CDKN1C: variants seen among roughly 807,000 people sequenced by gnomAD.
CDKN1C encodes the protein cyclin dependent kinase inhibitor 1C.
Under a neutral mutation model 16.5 loss-of-function variants are expected in CDKN1C, and 7 were observed. The observed-to-expected ratio is 0.42, with a 90% CI of 0.24 to 0.80. The LOEUF is 0.80. CDKN1C is among the 30% of genes least tolerant of loss of function. The pLI is 0.26. For synonymous variants in CDKN1C, 288 were observed against 214.4 expected (o/e 1.34, Z -3.00); for missense variants, 429 against 437.3 (o/e 0.98, Z 0.17).
At position 2,884,988 on chromosome 11, in the gene CDKN1C, G is replaced by C. The variant is rs1848948122; in HGVS notation, c.469C>G (p.Pro157Ala). Residue 157 changes from proline (P) to alanine (A), a missense_variant, in exon 2 of 4, where the codon CCG (proline) becomes GCG (alanine). Physicochemically the swap from Pro to Ala is conservative, Grantham distance 27 (BLOSUM62 -1). Coordinates refer to ENST00000440480, the MANE Select transcript of CDKN1C (RefSeq NM_001122630.2). ...GCGACCGCGACCGGAGCCGCGACCG[G>C]AGCCGCGACCGGAGCCGGAGCCGGG... ...PAPAPAPVAA[P>A]VAAPVAVAVL... is the part of the protein sequence containing the mutation. 6 of 1,106,378 alleles carry C rather than the reference G, an allele frequency of 5.4e-6. No homozygotes were observed. Among genetic ancestry groups the C allele is most frequent in the Non-Finnish European group, 6.8e-6 (6 of 880,188 alleles). The allele number at this position is 1,106,378 out of a possible 1,614,324, so 68.5% of individuals were successfully genotyped here.
chr11:2,884,150 C>T lies in CDKN1C; in HGVS notation c.788-16G>A. The T allele has an allele frequency of 6.8e-7, 1 of 1,466,844 alleles. No homozygotes were observed. The highest frequency in any genetic ancestry group is 9.1e-7 in the Non-Finnish European group (1 of 1,104,658). 90.9% of individuals were successfully genotyped at this position (1,466,844 alleles called of 1,614,324 possible). On this transcript the variant is annotated splice_polypyrimidine_tract_variant and intron_variant, in intron 2 of 3. Coordinates refer to ENST00000440480, the MANE Select transcript of CDKN1C (RefSeq NM_001122630.2). The stretch of plus-strand genomic sequence containing the variant: ...GCGAAGAAATCTGCGGGCGACAGCG[C>T]GCGCGGCCGGTCAGGGCGGGGCCGG...
intron 1 of CDKN1C, 42 bp downstream of exon 1, chr11:2,885,592 C>G: frequency 7.2e-7 from 1 of 1,396,576 alleles, no homozygotes; most frequent in East Asian, 2.5e-5. Flanking sequence ...AGGGAGACCC[C>G]GCGCCGCCCG....
In CDKN1C at chr11:2,884,720, G is replaced by GCGGCCGCGGTGC. The variant is rs1341703910; in HGVS notation, c.725_736dup (p.Gly242_Ala245dup). The GCGGCCGCGGTGC allele has an allele frequency of 6.6e-7, 1 of 1,505,048 alleles. No individual in the cohort carries two copies. The highest frequency in any genetic ancestry group is 1.2e-5 in the South Asian group (1 of 83,454). 93.2% of individuals were successfully genotyped at this position (1,505,048 alleles called of 1,614,324 possible). A position where few individuals can be genotyped will look rare whatever the true frequency, so the allele number is the denominator to read the frequency against. On this transcript the variant is annotated inframe_insertion, in exon 2 of 4. Transcript: ENST00000440480. ...CTTGATCGCCGCGCCGTTGGCGCTG[G>GCGGCCGCGGTGC]CGGCCGCGGTGCCGGCCGCGGGACG...
rs1464328977 is a variant in CDKN1C, at chr11:2,883,633, CT to C, written c.*287del. ...TTTTTTCCTTTTTTTTTTCTTTTTT[CT>C]TTTTTTTGCACTGAGTTTCAGCAGA... On this transcript the variant is annotated 3_prime_UTR_variant, in exon 4 of 4. Transcript: ENST00000440480. 49 of 572,398 alleles carry C rather than the reference CT, an allele frequency of 8.6e-5. No individual in the cohort carries two copies. The highest frequency in any genetic ancestry group is 2.4e-4 in the South Asian group (3 of 12,522). The allele number at this position is 572,398 out of a possible 1,614,324, so 35.5% of individuals were successfully genotyped here.
Position 2,884,941 on chromosome 11 carries a change from G to A in CDKN1C, c.516C>T (p.Ala172=), listed in dbSNP as rs1462682672. 6.2e-6 allele frequency: 6 copies of A among 969,010 alleles called. No individual in the cohort carries two copies. The highest frequency in any genetic ancestry group is 1.8e-5 in the African/African-American group (1 of 56,804). 60.0% of individuals were successfully genotyped at this position (969,010 alleles called of 1,614,324 possible). Residue 172 remains alanine, a synonymous_variant, in exon 2 of 4, where the codon GCC becomes GCT. Coordinates refer to ENST00000440480, the MANE Select transcript of CDKN1C (RefSeq NM_001122630.2). The part of the protein sequence containing the change: ...VAVAVLAPAP[A]PAPAPAPAPA... ...GGGCCGGAGCCGGAGCCGGAGCCGGGGCCGGGGCCGGGGCCAGGACCGCGA... is the reference window on the plus strand; with the variant it reads ...GGGCCGGAGCCGGAGCCGGAGCCGGAGCCGGGGCCGGGGCCAGGACCGCGA...
At chr11:2,884,192 G>A in intron 2 of CDKN1C, 58 bp from the exon 3 acceptor site, 1 of 1,229,188 alleles carries the variant, frequency 8.1e-7, no homozygotes. Flanking sequence ...GACCCGAGAG[G>A]GGGCCGGGAG....
At chr11:2,884,649 G>A (rs2133781819) in intron 2 of CDKN1C, 21 bp downstream of exon 2, 1 of 1,267,524 alleles carries the variant, frequency 7.9e-7, no homozygotes, top group Non-Finnish European at 1.0e-6. Flanking sequence ...CCGGGCCGGG[G>A]CGGGGCCGTG....
chr11:2,885,685 G>A lies in CDKN1C; in HGVS notation c.-62C>T, dbSNP rs983314759. ...GCGTCGGGTTCGCCTGTCTCGTCCG[G>A]ACGGCAGCCGCGCCCCCTCGATGCC... is the stretch of plus-strand genomic sequence containing the variant. On this transcript the variant is annotated 5_prime_UTR_variant, in exon 1 of 4. Transcript: ENST00000440480. 3 of 658,850 alleles carry A rather than the reference G, an allele frequency of 4.6e-6. No homozygotes were observed. The African/African-American group carries it at 5.5e-5, about 12-fold the overall frequency. 40.8% of individuals were successfully genotyped at this position (658,850 alleles called of 1,614,324 possible).
At chr11:2,884,185 C>G in intron 2 of CDKN1C, 51 bp from the exon 3 acceptor site, 2 of 1,271,004 alleles carry the variant, frequency 1.6e-6, no homozygotes, top group Non-Finnish European at 9.9e-7. Flanking sequence ...GCCCGGAGAC[C>G]CGAGAGGGGG....
Position 2,884,718 on chromosome 11 carries a change from T to C in CDKN1C, c.739A>G (p.Ser247Gly). ...TTCTTGATCGCCGCGCCGTTGGCGC[T>C]GGCGGCCGCGGTGCCGGCCGCGGGA... ...GRPAAGTAAA[S>G]ANGAAIKKLS... is the part of the protein sequence containing the mutation. The change falls in exon 2 of 4, where the codon AGC becomes GGC. Residue 247 changes from serine to glycine, a missense_variant. Transcript: ENST00000440480. 1 of 1,502,300 alleles carries C rather than the reference T, an allele frequency of 6.7e-7. No individual in the cohort carries two copies. Among genetic ancestry groups the C allele is most frequent in the South Asian group, 1.2e-5 (1 of 83,324 alleles). The allele number at this position is 1,502,300 out of a possible 1,614,324, so 93.1% of individuals were successfully genotyped here.
At position 2,884,221 on chromosome 11, in the gene CDKN1C, C is replaced by CGGGAGAG; in HGVS notation, c.788-88_788-87insCTCTCCC. On this transcript the variant is annotated intron_variant, in intron 2 of 3. Coordinates refer to ENST00000440480, the MANE Select transcript of CDKN1C (RefSeq NM_001122630.2). ...CCGGGAGAGGGCGCGGGGCGCGGGC[C>CGGGAGAG]GGCCGGGGTGGGGGCGCCGTCCCCG... The CGGGAGAG allele has an allele frequency of 6.4e-6, 7 of 1,086,006 alleles. No homozygotes were observed. The African/African-American group carries it at 6.7e-5, about 10-fold the overall frequency. 67.3% of individuals were successfully genotyped at this position (1,086,006 alleles called of 1,614,324 possible). A position where few individuals can be genotyped will look rare whatever the true frequency, so the allele number is the denominator to read the frequency against.
rs2133783693 is a variant in CDKN1C, at chr11:2,884,914, C to T, written c.543G>A (p.Pro181=). The change falls in exon 2 of 4, where the codon CCG becomes CCA. Residue 181 remains proline, a synonymous_variant. Transcript: ENST00000440480. ...CTGGGGCCGGGGCCGCGACTGGAGCCGGGGCCGGAGCCGGAGCCGGAGCCG... is the reference window on the plus strand; with the variant it reads ...CTGGGGCCGGGGCCGCGACTGGAGCTGGGGCCGGAGCCGGAGCCGGAGCCG... The part of the protein sequence containing the change: ...PAPAPAPAPA[P]APVAAPAPAP... 5.7e-6 allele frequency: 5 copies of T among 879,796 alleles called. No individual in the cohort carries two copies. The highest frequency in any genetic ancestry group is 6.9e-6 in the Non-Finnish European group (5 of 722,962). 54.5% of individuals were successfully genotyped at this position (879,796 alleles called of 1,614,324 possible). A position where few individuals can be genotyped will look rare whatever the true frequency, so the allele number is the denominator to read the frequency against.
At chr11:2,885,512 G>T (rs1405166539) in intron 1 of CDKN1C, 46 bp from the exon 2 acceptor site, 1 of 1,539,442 alleles carries the variant, frequency 6.5e-7, no homozygotes. Flanking sequence ...CGCAAACGCG[G>T]GCAGCGAGAG....
In CDKN1C at chr11:2,885,497, G is replaced by A. The variant is rs944382815; in HGVS notation, c.-10-31C>T. 9 of 1,541,588 alleles carry A rather than the reference G, an allele frequency of 5.8e-6. No homozygotes were observed. In the South Asian group the frequency reaches 9.5e-5, roughly 16 times the overall value. ...GAGGGACGCGTCGGACATGGCCCGGGGCTGCGCAAACGCGGGCAGCGAGAG... is the reference window on the plus strand; with the variant it reads ...GAGGGACGCGTCGGACATGGCCCGGAGCTGCGCAAACGCGGGCAGCGAGAG... On this transcript the variant is annotated intron_variant, in intron 1 of 3. Transcript: ENST00000440480.
intron 3 of CDKN1C, 40 bp from the exon 4 acceptor site, chr11:2,883,955 C>A (rs541918893): frequency 3.2e-6 from 5 of 1,569,680 alleles, no homozygotes; most frequent in East Asian, 4.8e-5. Flanking sequence ...GGCGGGGACC[C>A]GGCGGGTCGG....
At position 2,883,330 on chromosome 11, in the gene CDKN1C, C is replaced by A. The variant is rs1412502554; in HGVS notation, c.*591G>T. 1 of 152,706 alleles carries A rather than the reference C, an allele frequency of 6.5e-6. No individual in the cohort carries two copies. Among genetic ancestry groups the A allele is most frequent in the Non-Finnish European group, 1.5e-5 (1 of 68,402 alleles). The allele number at this position is 152,706 out of a possible 1,614,324, so 9.5% of individuals were successfully genotyped here. ...GACTTGTCTTCAAGTTTCAGATAAA[C>A]ACAGTCATAATAAGAGAGACAGCGA... On this transcript the variant is annotated 3_prime_UTR_variant, in exon 4 of 4. Transcript: ENST00000440480.
At chr11:2,884,249 C>G in intron 2 of CDKN1C, 115 bp from the exon 3 acceptor site, 1 of 625,894 alleles carries the variant, frequency 1.6e-6, no homozygotes, top group Non-Finnish European at 2.0e-6. Context: ...CGTCCCCGCC[C>G]GCGCCGAGGT....
Position 2,884,854 on chromosome 11 carries a change from C to G in CDKN1C, c.603G>C (p.Pro201=), listed in dbSNP as rs1374887372. 3 of 1,080,466 alleles carry G rather than the reference C, an allele frequency of 2.8e-6. No individual in the cohort carries two copies. Among genetic ancestry groups the G allele is most frequent in the Non-Finnish European group, 3.4e-6 (3 of 885,524 alleles). The allele number at this position is 1,080,466 out of a possible 1,614,324, so 66.9% of individuals were successfully genotyped here. A position where few individuals can be genotyped will look rare whatever the true frequency, so the allele number is the denominator to read the frequency against. ...PAPAPAPAPA[P]APAPDAAPQE... ...GAGGCGCCGCGTCCGGGGCCGGGGCCGGGGCGGGGGCCGGGGCCGGGGCCG... is the reference window on the plus strand; with the variant it reads ...GAGGCGCCGCGTCCGGGGCCGGGGCGGGGGCGGGGGCCGGGGCCGGGGCCG... Residue 201 remains proline (P), a synonymous_variant, in exon 2 of 4, where the codon CCG becomes CCC. Transcript: ENST00000440480.
chr11:2,884,238 C>G, intron 2 of CDKN1C, 104 bp from the exon 3 acceptor site: 1 of 752,320 alleles, frequency 1.3e-6, no homozygotes, highest in Non-Finnish European at 1.7e-6. Flanking sequence ...GGTGGGGGCG[C>G]CGTCCCCGCC....
Sources: gnomAD v4.1 joint callset for allele counts on GRCh38, gnomAD v4.1.1 for gene constraint, MANE v1.5 for transcripts, NCBI Gene and HGNC (gene_info 2026-07-23, HGNC 2026-07-21) for gene names.